The following CTNND2 variants were observed in gnomAD, a reference collection of about 807,000 sequenced individuals.
CTNND2 encodes the protein catenin delta 2.
CTNND2 carries 22 observed loss-of-function variants against 144.4 expected under a neutral mutation model. The observed-to-expected ratio is 0.15, with a 90% CI of 0.11 to 0.22. CTNND2 has a LOEUF of 0.22. Ranked by LOEUF, CTNND2 falls within the 10% of genes least tolerant of loss-of-function variation. The probability of loss-of-function intolerance (pLI) is 1.00; values close to 1 mark genes in which losing one functional copy is unlikely to be tolerated. For missense variants in CTNND2, 1,353 were observed against 1,618.8 expected (o/e 0.84, Z 2.82); for synonymous variants, 751 against 695.6 (o/e 1.08, Z -1.25).
chr5:11,180,765 T>C (rs1560979934), intron 11 of CTNND2, among the ~76,000 whole-genome samples: 1 of 152,254 alleles, frequency 6.6e-6, no homozygotes. Context: ...AGTGAAAATG[T>C]GATCTGGCTC....
chr5:11,893,976 A>G (rs75754793), intron 1 of CTNND2, among the ~76,000 whole-genome samples: 2,812 of 152,300 alleles, frequency 0.018, 36 homozygotes, highest in East Asian at 0.035. Flanking sequence ...GTTTAACTTG[A>G]CTTCTTTACT....
intron 16 of CTNND2, among the ~76,000 whole-genome samples, chr5:11,028,820 T>C (rs954603557): frequency 4.6e-5 from 7 of 152,206 alleles, no homozygotes; most frequent in Non-Finnish European, 1.0e-4. Context: ...GCAATTCTCA[T>C]TCCTCAGCCT....
At chr5:11,423,964 A>G (rs1762570378) in intron 3 of CTNND2, among the ~76,000 whole-genome samples, 1 of 152,224 alleles carries the variant, frequency 6.6e-6, no homozygotes, top group South Asian at 2.1e-4. Flanking sequence ...TTTATACAGC[A>G]GAAACCATGT....
At chr5:11,259,383 A>G (rs1744624386) in intron 9 of CTNND2, among the ~76,000 whole-genome samples, 1 of 152,172 alleles carries the variant, frequency 6.6e-6, no homozygotes, top group African/African-American at 2.4e-5. Context: ...ATGCTAGGTC[A>G]ATTGCCCCTG....
intron 2 of CTNND2, among the ~76,000 whole-genome samples, chr5:11,592,386 T>TA (rs1340938901): frequency 6.6e-6 from 1 of 152,164 alleles, no homozygotes; most frequent in Non-Finnish European, 1.5e-5. Flanking sequence ...TCTGGGAAGA[T>TA]ACGTGTAAAC....
chr5:11,589,172 T>C (rs183323408), intron 2 of CTNND2, among the ~76,000 whole-genome samples: 1 of 152,212 alleles, frequency 6.6e-6, no homozygotes, highest in East Asian at 1.9e-4. Flanking sequence ...CAACATTTCA[T>C]CACAAAAGGA....
At chr5:11,212,283 A>T (rs1401899764) in intron 10 of CTNND2, among the ~76,000 whole-genome samples, 1 of 152,242 alleles carries the variant, frequency 6.6e-6, no homozygotes, top group Non-Finnish European at 1.5e-5. Flanking sequence ...CAGTGTATGA[A>T]GCCCACAGGA....
At chr5:11,865,893 T>C (rs1795738846) in intron 1 of CTNND2, among the ~76,000 whole-genome samples, 1 of 9,290 alleles carries the variant, frequency 1.1e-4, no homozygotes, top group Admixed American at 2.4e-3. Context: ...CTTTAGAAGC[T>C]GGAAGAGACA....
At chr5:11,573,085 T>C (rs761894846) in intron 2 of CTNND2, among the ~76,000 whole-genome samples, 25 of 152,162 alleles carry the variant, frequency 1.6e-4, no homozygotes, top group Non-Finnish European at 3.2e-4. Context: ...CAGCTAATCT[T>C]TGGGAAGCTA....
intron 5 of CTNND2, among the ~76,000 whole-genome samples, chr5:11,401,810 T>C (rs933350957): frequency 6.6e-6 from 1 of 152,210 alleles, no homozygotes; most frequent in Non-Finnish European, 1.5e-5. Context: ...TGTGTGTTCT[T>C]AAGCACACTT....
chr5:11,504,152 C>T (rs1370782820), intron 3 of CTNND2, among the ~76,000 whole-genome samples: 2 of 152,258 alleles, frequency 1.3e-5, no homozygotes, highest in East Asian at 1.9e-4. Context: ...AATAAGATAA[C>T]CATGAAGAGT....
intron 2 of CTNND2, among the ~76,000 whole-genome samples, chr5:11,715,476 A>T (rs893447033): frequency 6.6e-6 from 1 of 152,208 alleles, no homozygotes; most frequent in Admixed American, 6.5e-5. Context: ...TGTTAACTCC[A>T]AAACCTCCTG....
chr5:11,826,657 GA>G (rs1793620492), intron 1 of CTNND2, among the ~76,000 whole-genome samples: 2 of 151,870 alleles, frequency 1.3e-5, no homozygotes, highest in Non-Finnish European at 2.9e-5. Flanking sequence ...TAAAATGACA[GA>G]AAATGATAAT....
rs191196157 is a variant in CTNND2, at chr5:11,232,929, A to C, written c.1761+3762T>G. 6.4e-4 allele frequency among the ~76,000 whole-genome samples: 97 copies of C among 152,280 alleles called. 1 individual carries two copies. The highest frequency in any genetic ancestry group is 1.9e-3 in the African/African-American group (78 of 41,564). ...GGTTCCCCCTACTGCTGTTCTCATGATAGTGAGTGAGTTCTCACAAGATCT... is the reference window on the plus strand; with the variant it reads ...GGTTCCCCCTACTGCTGTTCTCATGCTAGTGAGTGAGTTCTCACAAGATCT... On this transcript the variant is annotated intron_variant, in intron 10 of 21. Transcript: ENST00000304623.
At chr5:11,893,292 G>A (rs1024165624) in intron 1 of CTNND2, among the ~76,000 whole-genome samples, 3 of 152,216 alleles carry the variant, frequency 2.0e-5, no homozygotes, top group African/African-American at 7.2e-5. Context: ...GGAAATCCAT[G>A]TTTGAAAAGG....
intron 9 of CTNND2, among the ~76,000 whole-genome samples, chr5:11,240,730 GCACACACACACCCAA>G (rs1179033798): frequency 2.5e-5 from 2 of 81,280 alleles, no homozygotes; most frequent in African/African-American, 9.6e-5. Flanking sequence ...CACACACTCA[GCACACACACACCCAA>G]CACACACACA....
At chr5:11,705,255 T>C (rs1304665919) in intron 2 of CTNND2, among the ~76,000 whole-genome samples, 1 of 152,180 alleles carries the variant, frequency 6.6e-6, no homozygotes, top group Non-Finnish European at 1.5e-5. Context: ...CTACACATTG[T>C]GTATGGAGAA....
intron 11 of CTNND2, among the ~76,000 whole-genome samples, chr5:11,196,972 T>C (rs1420966096): frequency 1.3e-5 from 2 of 152,226 alleles, no homozygotes; most frequent in African/African-American, 4.8e-5. Context: ...GCAATGACTG[T>C]GCAGATGTCA....
At chr5:11,246,589 T>A (rs907354223) in intron 9 of CTNND2, among the ~76,000 whole-genome samples, 7 of 151,936 alleles carry the variant, frequency 4.6e-5, no homozygotes, top group African/African-American at 7.3e-5. Flanking sequence ...TCTGGCAGAA[T>A]CAATTTCTGT....
Sources: allele counts gnomAD v4.1 joint callset (sites outside exome capture counted in the v4.1 genomes callset), GRCh38; gene constraint gnomAD v4.1.1; transcripts MANE v1.5; gene names NCBI Gene and HGNC (gene_info 2026-07-23, HGNC 2026-07-21).